GTF3C2: variants seen among roughly 807,000 people sequenced by gnomAD.
GTF3C2 encodes the protein general transcription factor 3C polypeptide 2.
Under a neutral mutation model 117.4 loss-of-function variants are expected in GTF3C2, and 17 were observed. The ratio of observed to expected loss-of-function variants is 0.14; its 90% CI spans 0.10 to 0.22. The LOEUF is 0.22. Among genes scored for constraint, GTF3C2 ranks in the 10% least tolerant of loss-of-function variants. The probability of loss-of-function intolerance (pLI) is 1.00; values close to 1 mark genes in which losing one functional copy is unlikely to be tolerated. For synonymous variants in GTF3C2, 437 were observed against 427.0 expected, an observed-to-expected ratio of 1.02 and a Z score of -0.29; for missense variants, 888 against 1,143.6, an observed-to-expected ratio of 0.78 and a Z score of 3.22.
chr2:27,338,267 G>A, intron 4 of GTF3C2: 1 of 471,686 alleles, frequency 2.1e-6, no homozygotes, highest in East Asian at 4.1e-5. Flanking sequence ...ACATCTCCAT[G>A]GTATTTGATT....
exon 17 of GTF3C2, chr2:27,328,157 C>T (rs1270787213): frequency 3.8e-6 from 6 of 1,597,108 alleles, no homozygotes; most frequent in Non-Finnish European, 5.1e-6. Flanking sequence ...CAGGACTGTC[C>T]TGATACGGTA....
At chr2:27,345,949 A>T (rs1171410982) in intron 1 of GTF3C2, among the ~76,000 whole-genome samples, 3 of 150,436 alleles carry the variant, frequency 2.0e-5, no homozygotes, top group African/African-American at 7.3e-5. Flanking sequence ...TCCTGACCTC[A>T]GGTGATCTGC....
intron 7 of GTF3C2, 193 bp from the exon 8 acceptor site, chr2:27,336,618 T>C (rs1033911897): frequency 1.9e-5 from 10 of 540,044 alleles, no homozygotes; most frequent in South Asian, 1.7e-4. Flanking sequence ...GTCTGTCTTA[T>C]ATTATTATTA....
chr2:27,329,115 C>A lies in GTF3C2; in HGVS notation c.2039+6G>T, dbSNP rs769824966. 6 of 1,613,812 alleles carry A rather than the reference C, an allele frequency of 3.7e-6. No homozygotes were observed. In the South Asian group the frequency reaches 6.6e-5, roughly 18 times the overall value. ...CCCTAGAGGTCCTATCTCCATCTTG[C>A]CGTACGAGGCATAGCAGTTGTCCTG... is the stretch of plus-strand genomic sequence containing the variant. On this transcript the variant is annotated splice_donor_region_variant and intron_variant, in intron 14 of 18. Coordinates refer to ENST00000264720, the Ensembl canonical transcript of GTF3C2. This position sits in a 1 kb window ranked among gnomAD's most constrained non-coding sequence, Gnocchi z 4.5.
At chr2:27,347,472 G>A (rs964065652) in intron 1 of GTF3C2, among the ~76,000 whole-genome samples, 3 of 152,056 alleles carry the variant, frequency 2.0e-5, no homozygotes, top group African/African-American at 7.3e-5. Context: ...GGTAAATAAA[G>A]GTCAGTGAAA....
At chr2:27,343,382 G>T (rs1680806343) in exon 2 of GTF3C2, 1 of 1,613,916 alleles carries the variant, frequency 6.2e-7, no homozygotes. Context: ...CTCAAATCCA[G>T]GCAAAGGGGT....
At chr2:27,354,395 G>A (rs1681251835) in intron 1 of GTF3C2, among the ~76,000 whole-genome samples, 1 of 152,192 alleles carries the variant, frequency 6.6e-6, no homozygotes. Flanking sequence ...CATTTAGAGA[G>A]GAAATAAGAG....
chr2:27,341,829 T>C (rs1680742634), intron 4 of GTF3C2, 119 bp downstream of exon 4: 1 of 845,656 alleles, frequency 1.2e-6, no homozygotes. Flanking sequence ...CCCTTTTTTC[T>C]TTAACCTGTT....
exon 19 of GTF3C2, chr2:27,326,725 T>C (rs1250042494): frequency 1.2e-6 from 2 of 1,613,934 alleles, no homozygotes; most frequent in Non-Finnish European, 1.7e-6. Context: ...CCAGGCCGTC[T>C]AGTGGGGGAG....
intron 5 of GTF3C2, 154 bp from the exon 6 acceptor site, chr2:27,337,712 C>T: frequency 1.4e-6 from 1 of 697,154 alleles, no homozygotes; most frequent in Non-Finnish European, 2.6e-6. Context: ...TAAAATGTGG[C>T]TAGCGCAGCT....
chr2:27,341,931 T>G lies in GTF3C2; in HGVS notation c.855+17A>C, dbSNP rs1038766577. 11 of 1,606,958 alleles carry G rather than the reference T, an allele frequency of 6.8e-6. No homozygotes were observed. The highest frequency in any genetic ancestry group is 4.0e-5 in the African/African-American group (3 of 74,856). ...TCCTACTATGTCCCCATTCACTTTC[T>G]TGTCCATTGAGGTTACCCCTGAAGT... On this transcript the variant is annotated intron_variant, in intron 4 of 18. Transcript: ENST00000264720.
chr2:27,350,370 G>A (rs915193876), intron 1 of GTF3C2: 2 of 968,834 alleles, frequency 2.1e-6, no homozygotes, highest in African/African-American at 3.5e-5. Flanking sequence ...CTCTTCAGGG[G>A]ATTCTGACGC....
At chr2:27,340,042 C>G (rs901257585) in intron 4 of GTF3C2, 6 of 151,750 alleles carry the variant, frequency 4.0e-5, no homozygotes, top group Non-Finnish European at 8.8e-5. Flanking sequence ...TTCTCCCCTC[C>G]CCACCTTTGC....
intron 18 of GTF3C2, 125 bp downstream of exon 18, chr2:27,327,052 G>A (rs140259906): frequency 1.5e-4 from 100 of 674,558 alleles, no homozygotes; most frequent in African/African-American, 1.3e-3. Context: ...AATGAGGTAC[G>A]TCTGTCATGC....
intron 4 of GTF3C2, among the ~76,000 whole-genome samples, chr2:27,338,714 T>C (rs904371850): frequency 6.6e-6 from 1 of 151,938 alleles, no homozygotes; most frequent in Non-Finnish European, 1.5e-5. Context: ...TTTTTTTGTA[T>C]TTTTTTGTAG....
chr2:27,328,943 G>T lies in GTF3C2; in HGVS notation c.2040-12C>A, dbSNP rs764180241. 6.3e-7 allele frequency: 1 copy of T among 1,576,190 alleles called. No individual in the cohort carries two copies. Among genetic ancestry groups the T allele is most frequent in the South Asian group, 1.1e-5 (1 of 89,368 alleles). On this transcript the variant is annotated splice_polypyrimidine_tract_variant and intron_variant, in intron 14 of 18. Coordinates refer to ENST00000264720, the Ensembl canonical transcript of GTF3C2. ...CACAGAGTCCATAACTGTTAAAAGA[G>T]AAATAAATTTAAACCTTCCTTTTCT...
intron 1 of GTF3C2, among the ~76,000 whole-genome samples, chr2:27,354,721 A>G (rs899906122): frequency 6.6e-6 from 1 of 152,218 alleles, no homozygotes; most frequent in Non-Finnish European, 1.5e-5. Context: ...ATATCACGCC[A>G]CTGCACTCCA....
chr2:27,333,933 G>A, intron 11 of GTF3C2, 41 bp downstream of exon 11: 1 of 1,532,234 alleles, frequency 6.5e-7, no homozygotes, highest in Non-Finnish European at 9.0e-7. Context: ...GAGGCTCTAA[G>A]AAGATGGAGC....
At chr2:27,339,591 A>C (rs930591303) in intron 4 of GTF3C2, 2 of 152,006 alleles carry the variant, frequency 1.3e-5, no homozygotes, top group Non-Finnish European at 2.9e-5. Flanking sequence ...TAGATGTTGC[A>C]CGTGAGGCAA....
Sources: gnomAD v4.1 joint callset for allele counts (sites outside exome capture counted in the v4.1 genomes callset) on GRCh38, gnomAD v4.1.1 for gene constraint, Gnocchi (gnomAD v3.1) non-coding constraint, MANE v1.5 for transcripts, NCBI Gene and HGNC (gene_info 2026-07-23, HGNC 2026-07-21) for gene names.